Variants in NRXN1 observed in about 807,000 individuals in gnomAD.
NRXN1 encodes the protein neurexin 1, also known as neurexin-1.
In NRXN1, 39 loss-of-function variants were observed where a neutral mutation model predicts 150.9. That is an observed-to-expected ratio of 0.26 (90% CI 0.20 to 0.34). The LOEUF (loss-of-function observed/expected upper bound fraction) is 0.34. NRXN1 is among the 10% of genes least tolerant of loss of function. The pLI, the probability that NRXN1 is intolerant of heterozygous loss-of-function variation, is 1.00. For synonymous variants in NRXN1, 924 were observed against 757.0 expected (o/e 1.22, Z -3.62); for missense variants, 1,815 against 1,949.9 (o/e 0.93, Z 1.30).
At chr2:50,381,094 G>C (rs2080924930) in intron 17 of NRXN1, among the ~76,000 whole-genome samples, 1 of 151,990 alleles carries the variant, frequency 6.6e-6, no homozygotes. Context: ...CATAATATCA[G>C]GGACATAATA....
At chr2:49,924,455 A>T (rs576408962) in intron 22 of NRXN1, among the ~76,000 whole-genome samples, 1 of 152,270 alleles carries the variant, frequency 6.6e-6, no homozygotes, top group African/African-American at 2.4e-5. Context: ...CTATCTTATC[A>T]AAAAAATTTT....
chr2:50,127,831 G>C (rs1482073963), intron 18 of NRXN1, among the ~76,000 whole-genome samples: 1 of 152,128 alleles, frequency 6.6e-6, no homozygotes, highest in Non-Finnish European at 1.5e-5. Context: ...ATAAAGGTCA[G>C]ATAAATAAGA....
chr2:50,042,839 C>G (rs1021141428), intron 21 of NRXN1, among the ~76,000 whole-genome samples: 1 of 151,968 alleles, frequency 6.6e-6, no homozygotes, highest in African/African-American at 2.4e-5. Context: ...AAACAGGAAA[C>G]AGGTTCTGCT....
intron 1 of NRXN1, among the ~76,000 whole-genome samples, chr2:51,030,492 A>G (rs149645984): frequency 3.9e-4 from 59 of 150,428 alleles, no homozygotes; most frequent in Middle Eastern, 7.1e-3. Context: ...ATCCCACTTC[A>G]AGTTCCTCCC....
chr2:50,160,992 A>G (rs997254268), intron 18 of NRXN1, among the ~76,000 whole-genome samples: 1 of 152,106 alleles, frequency 6.6e-6, no homozygotes, highest in African/African-American at 2.4e-5. Context: ...AATTTGAGAC[A>G]TTAGGCTATT....
At chr2:49,937,142 C>G (rs1671188319) in intron 22 of NRXN1, among the ~76,000 whole-genome samples, 1 of 152,190 alleles carries the variant, frequency 6.6e-6, no homozygotes, top group African/African-American at 2.4e-5. Flanking sequence ...GGGAGCCTAA[C>G]TTTAGTGGGC....
intron 17 of NRXN1, among the ~76,000 whole-genome samples, chr2:50,371,299 T>G (rs1241655266): frequency 6.6e-6 from 1 of 152,026 alleles, no homozygotes. Flanking sequence ...ACATGTTGCT[T>G]ACACCCAAAG....
chr2:50,879,174 G>C (rs1444949133), intron 5 of NRXN1, among the ~76,000 whole-genome samples: 1 of 151,820 alleles, frequency 6.6e-6, no homozygotes, highest in Non-Finnish European at 1.5e-5. Context: ...AGAAAGGAGG[G>C]ATTCTGCTTC....
chr2:50,462,441 C>A (rs528207546), intron 17 of NRXN1, among the ~76,000 whole-genome samples: 53 of 151,562 alleles, frequency 3.5e-4, no homozygotes, highest in Non-Finnish European at 6.5e-4. Flanking sequence ...CAGAATGGAT[C>A]AGAGGAAAGA....
At chr2:50,066,688 T>C (rs1238207770) in intron 19 of NRXN1, among the ~76,000 whole-genome samples, 2 of 152,124 alleles carry the variant, frequency 1.3e-5, no homozygotes, top group African/African-American at 2.4e-5. Context: ...TAAATATTCA[T>C]GTCACGAACC....
chr2:50,804,369 A>T (rs921282410), intron 5 of NRXN1, among the ~76,000 whole-genome samples: 1 of 152,194 alleles, frequency 6.6e-6, no homozygotes, highest in Non-Finnish European at 1.5e-5. Flanking sequence ...TGCAAGCATT[A>T]TCTTGCTTAA....
chr2:50,528,861 C>A, intron 11 of NRXN1: 1 of 451,932 alleles, frequency 2.2e-6, no homozygotes. Flanking sequence ...TTAAAAATGG[C>A]CAATTCAAAC....
intron 18 of NRXN1, among the ~76,000 whole-genome samples, chr2:50,192,769 G>A (rs146967524): frequency 0.019 from 2,876 of 152,108 alleles, 92 homozygotes; most frequent in African/African-American, 0.066. Flanking sequence ...ACCACTCCCG[G>A]CTAATTTTTT....
At chr2:50,187,684 A>G (rs1375570043) in intron 18 of NRXN1, among the ~76,000 whole-genome samples, 1 of 152,128 alleles carries the variant, frequency 6.6e-6, no homozygotes, top group Non-Finnish European at 1.5e-5. Flanking sequence ...TACCTTGGGC[A>G]GTATGGCCAT....
intron 17 of NRXN1, among the ~76,000 whole-genome samples, chr2:50,314,044 G>C (rs79970772): frequency 0.029 from 4,456 of 152,092 alleles, 221 homozygotes; most frequent in African/African-American, 0.1. Flanking sequence ...TCGAGTATCT[G>C]GGAACCTCAA....
At chr2:50,941,898 C>T (rs755934135) in intron 2 of NRXN1, among the ~76,000 whole-genome samples, 2 of 152,078 alleles carry the variant, frequency 1.3e-5, no homozygotes, top group Non-Finnish European at 2.9e-5. Flanking sequence ...ATAGCCAAGA[C>T]AATAAGGAAA....
chr2:50,970,142 C>T (rs539908636), intron 2 of NRXN1, among the ~76,000 whole-genome samples: 18 of 152,008 alleles, frequency 1.2e-4, no homozygotes, highest in Admixed American at 2.0e-4. Flanking sequence ...AGTTTTTACA[C>T]AGAAAGGTGG....
At chr2:50,885,820 A>AACAC (rs57614861) in intron 5 of NRXN1, among the ~76,000 whole-genome samples, 3,656 of 143,816 alleles carry the variant, frequency 0.025, 82 homozygotes, top group African/African-American at 0.065. Flanking sequence ...TATTTCTATA[A>AACAC]ACACACACAC....
At chr2:50,995,456 T>C (rs1048745376) in intron 2 of NRXN1, among the ~76,000 whole-genome samples, 1 of 151,748 alleles carries the variant, frequency 6.6e-6, no homozygotes, top group African/African-American at 2.4e-5. Flanking sequence ...AATACAAAAA[T>C]TATCCTGGTG....
Sources: gnomAD v4.1 joint callset for allele counts (sites outside exome capture counted in the v4.1 genomes callset) on GRCh38, gnomAD v4.1.1 for gene constraint, MANE v1.5 for transcripts, NCBI Gene and HGNC (gene_info 2026-07-23, HGNC 2026-07-21) for gene names.